Variants in PLSCR5 observed in about 807,000 individuals in gnomAD.
PLSCR5 encodes the protein phospholipid scramblase family, member 5.
Under a neutral mutation model 33.6 loss-of-function variants are expected in PLSCR5, and 44 were observed. That is an observed-to-expected ratio of 1.31 (90% CI 1.03 to 1.69). The LOEUF is 1.69. PLSCR5 is among the 40% of genes most tolerant of loss of function. PLSCR5 has a pLI of 0.00. For missense variants in PLSCR5, 375 were observed against 318.7 expected (o/e 1.18, Z -1.34); for synonymous variants, 148 against 112.3 (o/e 1.32, Z -2.01).
At chr3:146,596,619 C>A (rs925419656) in intron 2 of PLSCR5, among the ~76,000 whole-genome samples, 4 of 152,090 alleles carry the variant, frequency 2.6e-5, no homozygotes, top group African/African-American at 9.7e-5. Context: ...TTAAAATTTT[C>A]TTCACCATAT....
intron 7 of PLSCR5, among the ~76,000 whole-genome samples, chr3:146,576,962 A>G (rs1393280108): frequency 6.6e-6 from 1 of 152,000 alleles, no homozygotes; most frequent in Admixed American, 6.6e-5. Flanking sequence ...TGTTTATGAC[A>G]CTGGTTGTAC....
intron 7 of PLSCR5, 21 bp from the exon 8 acceptor site, chr3:146,585,963 G>C (rs342902): frequency 4.3e-6 from 5 of 1,161,374 alleles, no homozygotes; most frequent in Non-Finnish European, 5.8e-6. Flanking sequence ...ATGAAAAAGA[G>C]TTAGATAGCG....
intron 1 of PLSCR5, among the ~76,000 whole-genome samples, chr3:146,602,951 C>T (rs558207935): frequency 5.1e-4 from 77 of 152,178 alleles, no homozygotes; most frequent in African/African-American, 1.8e-3. Context: ...CATCACTATT[C>T]TGAGATCACT....
chr3:146,590,980 G>T (rs1576819141), intron 5 of PLSCR5, among the ~76,000 whole-genome samples: 2 of 145,156 alleles, frequency 1.4e-5, no homozygotes, highest in South Asian at 4.4e-4. Flanking sequence ...ACAAATACGA[G>T]AATAAGGTTT....
At chr3:146,591,986 T>C in intron 4 of PLSCR5, 105 bp from the exon 5 acceptor site, 1 of 984,722 alleles carries the variant, frequency 1.0e-6, no homozygotes, top group Admixed American at 3.3e-5. Flanking sequence ...ATAAAATTAT[T>C]TTGATATTCT....
At chr3:146,600,519 C>T (rs1011579921) in intron 1 of PLSCR5, 56 bp from the exon 2 acceptor site, 44 of 1,433,308 alleles carry the variant, frequency 3.1e-5, no homozygotes, top group African/African-American at 3.0e-4. Context: ...TTTATTTAGT[C>T]CTTCTTAAAG....
intron 3 of PLSCR5, 104 bp downstream of exon 3, chr3:146,594,937 A>G (rs2107854952): frequency 1.6e-6 from 1 of 621,000 alleles, no homozygotes. Context: ...TATTCTACAC[A>G]TTTAACTTTC....
At chr3:146,604,801 T>TA (rs1391921026) in intron 1 of PLSCR5, among the ~76,000 whole-genome samples, 1 of 152,044 alleles carries the variant, frequency 6.6e-6, no homozygotes, top group Non-Finnish European at 1.5e-5. Context: ...ATATTTTAAT[T>TA]AAAAAAATTA....
In PLSCR5 at chr3:146,585,900, C is replaced by A; in HGVS notation, c.*87G>T. 5.2e-6 allele frequency: 3 copies of A among 575,666 alleles called. No individual in the cohort carries two copies. Among genetic ancestry groups the A allele is most frequent in the South Asian group, 3.0e-5 (1 of 33,508 alleles). 35.7% of individuals were successfully genotyped at this position (575,666 alleles called of 1,614,324 possible). ...CATTTTTTTTTAACAAAAAAGCAAA[C>A]ATTCAAACCATTCAGAAATGAAATC... On this transcript the variant is annotated 3_prime_UTR_variant, in exon 8 of 8. Coordinates refer to ENST00000443512, the MANE Select transcript of PLSCR5 (RefSeq NM_001085420.2).
chr3:146,579,196 A>T (rs2044617952), intron 7 of PLSCR5, among the ~76,000 whole-genome samples: 2 of 152,270 alleles, frequency 1.3e-5, no homozygotes, highest in African/African-American at 4.8e-5. Context: ...TATTAAAAAG[A>T]ATTTTTTCTT....
At chr3:146,595,657 G>A (rs2044754870) in intron 2 of PLSCR5, among the ~76,000 whole-genome samples, 2 of 152,156 alleles carry the variant, frequency 1.3e-5, no homozygotes, top group African/African-American at 4.8e-5. Flanking sequence ...CTAACTCTGT[G>A]TTAACTCCGC....
At chr3:146,588,885 G>A (rs1413057090) in intron 6 of PLSCR5, among the ~76,000 whole-genome samples, 1 of 152,138 alleles carries the variant, frequency 6.6e-6, no homozygotes, top group Non-Finnish European at 1.5e-5. Context: ...AATCACTTAT[G>A]TGTGTGCCTG....
Position 146,594,115 on chromosome 3 carries a change from G to T in PLSCR5, c.258C>A (p.Asn86Lys), listed in dbSNP as rs1165437421. ...CCAAGCTGTTTTTAATCTCATATTT[G>T]TTGGAGGTCTCAGTACCAAGTATCA... ...LGMILGTETS[N>K]KYEIKNSLGQ... The change falls in exon 4 of 8, where the codon AAC becomes AAA. Residue 86 changes from asparagine to lysine, a missense_variant. Transcript: ENST00000443512. 1.9e-6 allele frequency: 3 copies of T among 1,613,096 alleles called. No homozygotes were observed. In the African/African-American group the frequency reaches 4.0e-5, roughly 22 times the overall value.
intron 3 of PLSCR5, among the ~76,000 whole-genome samples, 164 bp downstream of exon 3, chr3:146,594,877 C>T (rs2044745117): frequency 6.6e-6 from 1 of 152,064 alleles, no homozygotes; most frequent in African/African-American, 2.4e-5. Context: ...AATAATTTTA[C>T]TTTCAGCTTT....
At chr3:146,602,294 A>C (rs1489885505) in intron 1 of PLSCR5, among the ~76,000 whole-genome samples, 1 of 152,162 alleles carries the variant, frequency 6.6e-6, no homozygotes, top group African/African-American at 2.4e-5. Context: ...AATGGCCATT[A>C]ATATAACAAT....
intron 7 of PLSCR5, among the ~76,000 whole-genome samples, chr3:146,579,107 T>A (rs2044617071): frequency 6.6e-6 from 1 of 152,014 alleles, no homozygotes; most frequent in African/African-American, 2.4e-5. Flanking sequence ...CTAAGTACAA[T>A]TCCCACCTAT....
intron 6 of PLSCR5, among the ~76,000 whole-genome samples, chr3:146,588,876 A>G (rs1176162284): frequency 1.3e-5 from 2 of 152,156 alleles, no homozygotes; most frequent in African/African-American, 4.8e-5. Flanking sequence ...GTTTGTTTTA[A>G]TCACTTATGT....
chr3:146,577,378 C>T (rs905997453), intron 7 of PLSCR5, among the ~76,000 whole-genome samples: 1 of 151,982 alleles, frequency 6.6e-6, no homozygotes, highest in Non-Finnish European at 1.5e-5. Flanking sequence ...CCTCTGAAGG[C>T]GATCAGGATG....
chr3:146,586,138 G>A (rs1041492946), intron 6 of PLSCR5, 26 bp from the exon 7 acceptor site: 6 of 1,444,142 alleles, frequency 4.2e-6, no homozygotes, highest in East Asian at 2.8e-5. Flanking sequence ...CTGAATATAA[G>A]TGAATTTACA....
Sources: allele counts gnomAD v4.1 joint callset (sites outside exome capture counted in the v4.1 genomes callset), GRCh38; gene constraint gnomAD v4.1.1; transcripts MANE v1.5; gene names NCBI Gene and HGNC (gene_info 2026-07-23, HGNC 2026-07-21).